The following SKP1 variants were observed in gnomAD, a reference collection of about 807,000 sequenced individuals.
SKP1 encodes the protein S-phase kinase-associated protein 1.
A neutral mutation model predicts 21.5 loss-of-function variants in SKP1; 1 was observed. The ratio of observed to expected loss-of-function variants is 0.05; its 90% CI spans 0.02 to 0.22. SKP1 has a LOEUF of 0.22. SKP1 is among the 10% of genes least tolerant of loss of function. The probability of loss-of-function intolerance (pLI) is 1.00; values close to 1 mark genes in which losing one functional copy is unlikely to be tolerated. For missense variants in SKP1, 70 were observed against 192.0 expected (o/e 0.36, Z 3.76); for synonymous variants, 59 against 59.3 (o/e 0.99, Z 0.03).
At position 134,155,541 on chromosome 5, in the gene SKP1, G is replaced by C. The variant is rs1263982671; in HGVS notation, c.*2192C>G. ...TTGTTTAGGGACTACAGAAAGTCAG[G>C]AAACAAAAATTTAAATTACTACTAT... is the stretch of plus-strand genomic sequence containing the variant. On this transcript the variant is annotated 3_prime_UTR_variant, in exon 6 of 6. Transcript: ENST00000353411. 1 of 152,096 alleles carries C rather than the reference G, an allele frequency of 6.6e-6. No individual in the cohort carries two copies. The highest frequency in any genetic ancestry group is 1.5e-5 in the Non-Finnish European group (1 of 67,998). The allele number at this position is 152,096 out of a possible 1,614,324, so 9.4% of individuals were successfully genotyped here.
In SKP1 at chr5:134,151,611, A is replaced by G. The variant is rs1561715514; in HGVS notation, c.*6122T>C. 2.2e-6 allele frequency: 1 copy of G among 452,954 alleles called. No homozygotes were observed. The highest frequency in any genetic ancestry group is 1.6e-5 in the South Asian group (1 of 64,210). 28.1% of individuals were successfully genotyped at this position (452,954 alleles called of 1,614,324 possible). ...GCTATATAGCAGGTTGAAAATTTGA[A>G]GTTAAGAGATATCAGAAGGTCTGAA... On this transcript the variant is annotated 3_prime_UTR_variant, in exon 6 of 6. Transcript: ENST00000353411.
At chr5:134,172,635 T>G (rs1055319999) in intron 2 of SKP1, among the ~76,000 whole-genome samples, 3 of 150,638 alleles carry the variant, frequency 2.0e-5, no homozygotes, top group African/African-American at 7.3e-5. Context: ...CTCTTCCCAG[T>G]ACTTTGGGGT....
chr5:134,154,410 T>G lies in SKP1; in HGVS notation c.*3323A>C, dbSNP rs1425326204. 2 of 129,226 alleles carry G rather than the reference T, an allele frequency of 1.5e-5. No individual in the cohort carries two copies. Among genetic ancestry groups the G allele is most frequent in the Non-Finnish European group, 3.1e-5 (2 of 65,478 alleles). 8.0% of individuals were successfully genotyped at this position (129,226 alleles called of 1,614,324 possible). A position where few individuals can be genotyped will look rare whatever the true frequency, so the allele number is the denominator to read the frequency against. ...TTGCAGTGAGCTGAGATCGCACCAC[T>G]GCATTCCAGTCTGGGCGACAGAGTG... On this transcript the variant is annotated 3_prime_UTR_variant, in exon 6 of 6. Transcript: ENST00000353411.
At chr5:134,167,400 T>C (rs1176606163) in intron 2 of SKP1, among the ~76,000 whole-genome samples, 157 bp from the exon 3 acceptor site, 3 of 152,116 alleles carry the variant, frequency 2.0e-5, no homozygotes, top group African/African-American at 4.8e-5. Flanking sequence ...GGAAAAAAAA[T>C]GGATGGCTGT....
Position 134,151,715 on chromosome 5 carries a change from CTG to C in SKP1, c.*6016_*6017del, listed in dbSNP as rs1367152327. On this transcript the variant is annotated 3_prime_UTR_variant, in exon 6 of 6. Coordinates refer to ENST00000353411, the MANE Select transcript of SKP1 (RefSeq NM_170679.3). The stretch of plus-strand genomic sequence containing the variant: ...AGAACTACAGATGTGGAAGCAGACA[CTG>C]TTATGAGCAACTACATTCCTCCCAT... 4.4e-6 allele frequency: 2 copies of C among 456,148 alleles called. No homozygotes were observed. The highest frequency in any genetic ancestry group is 4.7e-5 in the Admixed American group (2 of 42,576). 28.3% of individuals were successfully genotyped at this position (456,148 alleles called of 1,614,324 possible).
chr5:134,152,247 T>A lies in SKP1; in HGVS notation c.*5486A>T, dbSNP rs1381292663. ...TAGCTCACTCAAAAATTGCCCTGCC[T>A]AATGTGGGTCTGATGAATAAATGCT... On this transcript the variant is annotated 3_prime_UTR_variant, in exon 6 of 6. Transcript: ENST00000353411. The A allele has an allele frequency of 6.6e-6, 1 of 152,326 alleles. No homozygotes were observed. Among genetic ancestry groups the A allele is most frequent in the Non-Finnish European group, 1.5e-5 (1 of 68,136 alleles). 9.4% of individuals were successfully genotyped at this position (152,326 alleles called of 1,614,324 possible).
Position 134,149,764 on chromosome 5 carries a change from C to G in SKP1, c.*7969G>C, listed in dbSNP as rs1370510868. 8.2e-6 allele frequency: 1 copy of G among 122,672 alleles called. No homozygotes were observed. Among genetic ancestry groups the G allele is most frequent in the African/African-American group, 3.5e-5 (1 of 28,496 alleles). The allele number at this position is 122,672 out of a possible 1,614,324, so 7.6% of individuals were successfully genotyped here. ...TTGCTGCATCTGATTTGGTGTCTCA[C>G]TTAGAGTACACAGGGTACCTGAACA... is the stretch of plus-strand genomic sequence containing the variant. On this transcript the variant is annotated 3_prime_UTR_variant, in exon 6 of 6. Coordinates refer to ENST00000353411, the MANE Select transcript of SKP1 (RefSeq NM_170679.3).
At chr5:134,163,369 G>C (rs1761258629) in intron 3 of SKP1, among the ~76,000 whole-genome samples, 1 of 151,840 alleles carries the variant, frequency 6.6e-6, no homozygotes, top group Admixed American at 6.6e-5. Context: ...TTACTTTGTG[G>C]GGGGAGCAGT....
chr5:134,160,938 A>G, intron 4 of SKP1, 49 bp downstream of exon 4: 1 of 1,306,960 alleles, frequency 7.7e-7, no homozygotes, highest in Non-Finnish European at 1.1e-6. Context: ...ATCTATAAGA[A>G]GTGTTTAAAG....
Position 134,153,413 on chromosome 5 carries a change from C to T in SKP1, c.*4320G>A, listed in dbSNP as rs13358653. The T allele has an allele frequency of 0.03, 4,608 of 152,560 alleles. 186 individuals are homozygous for T. Among genetic ancestry groups the T allele is most frequent in the African/African-American group, 0.096 (3,976 of 41,516 alleles). The allele number at this position is 152,560 out of a possible 1,614,324, so 9.5% of individuals were successfully genotyped here. A position where few individuals can be genotyped will look rare whatever the true frequency, so the allele number is the denominator to read the frequency against. On this transcript the variant is annotated 3_prime_UTR_variant, in exon 6 of 6. Transcript: ENST00000353411. ...GGAGGACTGTTGGAGCCCAAGAGTTCGAGGCTGCAATGAGCTGTGATCACA... is the reference window on the plus strand; with the variant it reads ...GGAGGACTGTTGGAGCCCAAGAGTTTGAGGCTGCAATGAGCTGTGATCACA...
rs1212985100 is a variant in SKP1, at chr5:134,149,730, A to ATC, written c.*8002_*8003insGA. 2.6e-5 allele frequency: 4 copies of ATC among 151,828 alleles called. No homozygotes were observed. Among genetic ancestry groups the ATC allele is most frequent in the African/African-American group, 7.3e-5 (3 of 41,208 alleles). The allele number at this position is 151,828 out of a possible 1,614,324, so 9.4% of individuals were successfully genotyped here. A position where few individuals can be genotyped will look rare whatever the true frequency, so the allele number is the denominator to read the frequency against. On this transcript the variant is annotated 3_prime_UTR_variant, in exon 6 of 6. Coordinates refer to ENST00000353411, the MANE Select transcript of SKP1 (RefSeq NM_170679.3). ...CCTACATTCTAACCAGGGCTTATGCAAGACCAGGTTGCTGCATCTGATTTG... is the reference window on the plus strand; with the variant it reads ...CCTACATTCTAACCAGGGCTTATGCATCAGACCAGGTTGCTGCATCTGATTTG...
At position 134,156,485 on chromosome 5, in the gene SKP1, G is replaced by C. The variant is rs998292041; in HGVS notation, c.*1248C>G. 1.3e-5 allele frequency: 2 copies of C among 152,064 alleles called. No individual in the cohort carries two copies. The highest frequency in any genetic ancestry group is 2.9e-5 in the Non-Finnish European group (2 of 68,026). The allele number at this position is 152,064 out of a possible 1,614,324, so 9.4% of individuals were successfully genotyped here. A position where few individuals can be genotyped will look rare whatever the true frequency, so the allele number is the denominator to read the frequency against. On this transcript the variant is annotated 3_prime_UTR_variant, in exon 6 of 6. Coordinates refer to ENST00000353411, the MANE Select transcript of SKP1 (RefSeq NM_170679.3). The stretch of plus-strand genomic sequence containing the variant: ...GCAAACTACTGTCAAGGGATGATCT[G>C]AGCCTGAACAACTCAGTGAATGTGA...
chr5:134,157,890 G>A (rs1320109753), intron 5 of SKP1, 122 bp from the exon 6 acceptor site: 65 of 1,596,386 alleles, frequency 4.1e-5, no homozygotes, highest in Non-Finnish European at 5.5e-5. Context: ...TGGAAAATTA[G>A]AACAACACCA....
At chr5:134,162,914 AATG>A (rs765530493) in intron 3 of SKP1, among the ~76,000 whole-genome samples, 1 of 151,892 alleles carries the variant, frequency 6.6e-6, no homozygotes, top group Non-Finnish European at 1.5e-5. Flanking sequence ...CTCTACAAAA[AATG>A]ATGATAATAA....
In SKP1 at chr5:134,149,398, G is replaced by T. The variant is rs1319202006; in HGVS notation, c.*8335C>A. ...CATGAATGTAAAAGGTGTCATGAAGGCACCTCAATAGGTCAGTCAACAAGT... is the reference window on the plus strand; with the variant it reads ...CATGAATGTAAAAGGTGTCATGAAGTCACCTCAATAGGTCAGTCAACAAGT... On this transcript the variant is annotated 3_prime_UTR_variant, in exon 6 of 6. Coordinates refer to ENST00000353411, the MANE Select transcript of SKP1 (RefSeq NM_170679.3). 1 of 152,184 alleles carries T rather than the reference G, an allele frequency of 6.6e-6. No individual in the cohort carries two copies. Among genetic ancestry groups the T allele is most frequent in the African/African-American group, 2.4e-5 (1 of 41,450 alleles). 9.4% of individuals were successfully genotyped at this position (152,184 alleles called of 1,614,324 possible). A position where few individuals can be genotyped will look rare whatever the true frequency, so the allele number is the denominator to read the frequency against.
intron 4 of SKP1, among the ~76,000 whole-genome samples, chr5:134,159,220 AC>A (rs1761173594): frequency 6.6e-6 from 1 of 152,040 alleles, no homozygotes; most frequent in Non-Finnish European, 1.5e-5. Context: ...TTTTACTTCC[AC>A]TCAGCTCAAA....
Position 134,149,209 on chromosome 5 carries a change from G to T in SKP1, c.*8524C>A, listed in dbSNP as rs1760998519. 1 of 152,174 alleles carries T rather than the reference G, an allele frequency of 6.6e-6. No homozygotes were observed. Among genetic ancestry groups the T allele is most frequent in the Non-Finnish European group, 1.5e-5 (1 of 68,058 alleles). The allele number at this position is 152,174 out of a possible 1,614,324, so 9.4% of individuals were successfully genotyped here. A position where few individuals can be genotyped will look rare whatever the true frequency, so the allele number is the denominator to read the frequency against. ...TAGTGTACATTGTACTCAACAGGTA[G>T]GATTTCATACCTCATCCCCCTTTCA... is the stretch of plus-strand genomic sequence containing the variant. On this transcript the variant is annotated 3_prime_UTR_variant, in exon 6 of 6. Coordinates refer to ENST00000353411, the MANE Select transcript of SKP1 (RefSeq NM_170679.3).
chr5:134,162,393 G>A (rs1162789196), intron 3 of SKP1, among the ~76,000 whole-genome samples: 5 of 152,050 alleles, frequency 3.3e-5, no homozygotes, highest in African/African-American at 1.2e-4. Context: ...TGCCTGGCCA[G>A]CGAAAGGTTT....
rs1466092030 is a variant in SKP1, at chr5:134,149,869, CT to C, written c.*7863del. On this transcript the variant is annotated 3_prime_UTR_variant, in exon 6 of 6. Transcript: ENST00000353411. The stretch of plus-strand genomic sequence containing the variant: ...TCAGCTTTTTTTTTTTTTAATCTGA[CT>C]TCATAAAGGAAACTCAGATCCTCCC... The C allele has an allele frequency of 4.0e-5, 6 of 150,622 alleles. No individual in the cohort carries two copies. The highest frequency in any genetic ancestry group is 2.6e-4 in the Admixed American group (4 of 15,108). 9.3% of individuals were successfully genotyped at this position (150,622 alleles called of 1,614,324 possible). A position where few individuals can be genotyped will look rare whatever the true frequency, so the allele number is the denominator to read the frequency against.
Sources: allele counts gnomAD v4.1 joint callset (sites outside exome capture counted in the v4.1 genomes callset), GRCh38; gene constraint gnomAD v4.1.1; transcripts MANE v1.5; gene names NCBI Gene and HGNC (gene_info 2026-07-23, HGNC 2026-07-21).